RPL34: variants seen among roughly 807,000 people sequenced by gnomAD.
RPL34 encodes large ribosomal subunit protein eL34.
A neutral mutation model predicts 16.3 loss-of-function variants in RPL34; 2 were observed. That is an observed-to-expected ratio of 0.12 (90% CI 0.05 to 0.39). The LOEUF is 0.39. RPL34 is among the 10% of genes least tolerant of loss of function. RPL34 has a pLI of 0.99. For synonymous variants in RPL34, 47 were observed against 48.5 expected (o/e 0.97, Z 0.13); for missense variants, 82 against 148.8 (o/e 0.55, Z 2.33).
chr4:108,625,653 T>A (rs1449651111), downstream of RPL34: 1 of 156,638 alleles, frequency 6.4e-6, no homozygotes, highest in African/African-American at 2.4e-5. Flanking sequence ...CCCAAAGTGC[T>A]GGTGTTAAGG....
downstream of RPL34, among the ~76,000 whole-genome samples, chr4:108,627,514 A>G (rs936415749): frequency 1.3e-5 from 2 of 152,206 alleles, no homozygotes; most frequent in African/African-American, 2.4e-5. Context: ...AGTGTTTTGC[A>G]GAAGAGGAGT....
chr4:108,626,393 G>C (rs542948224), downstream of RPL34, among the ~76,000 whole-genome samples: 1 of 151,308 alleles, frequency 6.6e-6, no homozygotes, highest in African/African-American at 2.4e-5. Context: ...GCCTCCCAGC[G>C]TGCCAGGATT....
At chr4:108,624,795 A>T (rs577537469) in intron 4 of RPL34, among the ~76,000 whole-genome samples, 4 of 152,280 alleles carry the variant, frequency 2.6e-5, no homozygotes, top group Non-Finnish European at 5.9e-5. Flanking sequence ...AATATGGTTA[A>T]AATATTCTAA....
downstream of RPL34, among the ~76,000 whole-genome samples, chr4:108,625,780 T>C (rs1240093852): frequency 6.6e-6 from 1 of 152,164 alleles, no homozygotes; most frequent in East Asian, 1.9e-4. Context: ...ATAATGTCCT[T>C]CTCTTTGTGG....
Position 108,625,236 on chromosome 4 carries a change from T to A in RPL34, c.*24T>A. ...AAAAAAATGAAACTTTTTTGAGTAA[T>A]AAAAATGAAAAGACGCTGTATGTAT... On this transcript the variant is annotated 3_prime_UTR_variant, in exon 5 of 5. Coordinates refer to ENST00000394667, the MANE Select transcript of RPL34 (RefSeq NM_001319236.2). The A allele has an allele frequency of 6.8e-7, 1 of 1,465,142 alleles. No homozygotes were observed. 90.8% of individuals were successfully genotyped at this position (1,465,142 alleles called of 1,614,324 possible).
intron 1 of RPL34, chr4:108,621,296 TAACCGATTTGCTAAATAAC>T (rs1353306884): frequency 3.3e-5 from 5 of 153,198 alleles, no homozygotes; most frequent in Admixed American, 6.5e-5. Flanking sequence ...CATATCTGTA[TAACCGATTTGCTAAATAAC>T]ATCACGATGT....
intron 1 of RPL34, chr4:108,621,558 C>T (rs1560612092): frequency 4.2e-6 from 1 of 235,332 alleles, no homozygotes; most frequent in Non-Finnish European, 8.6e-6. Context: ...GCTCCTTGCC[C>T]TTTATATTCC....
chr4:108,623,975 G>T (rs1417540683), intron 4 of RPL34, among the ~76,000 whole-genome samples: 2 of 152,226 alleles, frequency 1.3e-5, no homozygotes, highest in African/African-American at 4.8e-5. Context: ...GGCAAGGAAA[G>T]TACGGACTGA....
chr4:108,624,840 G>C (rs1434781902), intron 4 of RPL34, among the ~76,000 whole-genome samples: 1 of 152,054 alleles, frequency 6.6e-6, no homozygotes, highest in African/African-American at 2.4e-5. Context: ...CACTATTCCT[G>C]GATCCTAACA....
downstream of RPL34, among the ~76,000 whole-genome samples, chr4:108,627,053 C>G (rs182155282): frequency 1.8e-3 from 274 of 152,114 alleles, 1 homozygote; most frequent in African/African-American, 6.5e-3. Context: ...TCCTGTCTAG[C>G]ACGGTGAAAC....
chr4:108,630,368 T>A (rs1250373789), downstream of RPL34: 1 of 152,030 alleles, frequency 6.6e-6, no homozygotes. Context: ...CTGTAAAGAG[T>A]TTAGGGTTTG....
downstream of RPL34, among the ~76,000 whole-genome samples, chr4:108,628,940 C>G (rs1252653457): frequency 6.6e-6 from 1 of 152,164 alleles, no homozygotes; most frequent in East Asian, 1.9e-4. Context: ...CTGCCTCAGC[C>G]TCCCGAGTAG....
rs371393335 is a variant in RPL34 at position 108,622,235 on chromosome 4, A to G, written c.165+31A>G. ...TGTACCTTTTACTGTGTGCAGCCTAACAAGTCTTGAACTTACTGAGCTTTC... is the reference window on the plus strand; with the variant it reads ...TGTACCTTTTACTGTGTGCAGCCTAGCAAGTCTTGAACTTACTGAGCTTTC... On this transcript the variant is annotated intron_variant, in intron 3 of 4. Coordinates refer to ENST00000394667, the MANE Select transcript of RPL34 (RefSeq NM_001319236.2). The G allele has an allele frequency of 4.7e-5, 69 of 1,455,580 alleles. No individual in the cohort carries two copies. The Middle Eastern group carries it at 1.0e-3, about 22-fold the overall frequency. 90.2% of individuals were successfully genotyped at this position (1,455,580 alleles called of 1,614,324 possible).
At chr4:108,622,346 G>A (rs188504163) in intron 3 of RPL34, 142 bp downstream of exon 3, 16 of 811,514 alleles carry the variant, frequency 2.0e-5, no homozygotes, top group Admixed American at 4.6e-5. Context: ...AATCTGCCAC[G>A]AACATAGACT....
At chr4:108,621,132 T>G (rs1725751092) in intron 1 of RPL34, 1 of 152,210 alleles carries the variant, frequency 6.6e-6, no homozygotes, top group African/African-American at 2.4e-5. Flanking sequence ...GTGTCAAGTT[T>G]TGGTGTCTGG....
At chr4:108,622,707 T>C in intron 4 of RPL34, 89 bp downstream of exon 4, 1 of 754,344 alleles carries the variant, frequency 1.3e-6, no homozygotes, top group Non-Finnish European at 2.2e-6. Flanking sequence ...AAGCAACTCA[T>C]TTTAAACCAG....
Position 108,622,211 on chromosome 4 carries a change from G to A in RPL34, c.165+7G>A, listed in dbSNP as rs1193533707. ...CCCAGGCAGACTTCGAGGGGTAAGTGTACCTTTTACTGTGTGCAGCCTAAC... is the reference window on the plus strand; with the variant it reads ...CCCAGGCAGACTTCGAGGGGTAAGTATACCTTTTACTGTGTGCAGCCTAAC... On this transcript the variant is annotated splice_region_variant and intron_variant, in intron 3 of 4. Coordinates refer to ENST00000394667, the MANE Select transcript of RPL34 (RefSeq NM_001319236.2). The A allele has an allele frequency of 1.9e-6, 3 of 1,589,374 alleles. No homozygotes were observed. The highest frequency in any genetic ancestry group is 2.6e-6 in the Non-Finnish European group (3 of 1,162,542).
At position 108,625,111 on chromosome 4, in the gene RPL34, G is replaced by T. The variant is rs1180190198; in HGVS notation, c.270-17G>T. The T allele has an allele frequency of 6.5e-7, 1 of 1,546,778 alleles. No individual in the cohort carries two copies. Among genetic ancestry groups the T allele is most frequent in the Non-Finnish European group, 8.9e-7 (1 of 1,124,040 alleles). ...TTCATTTTAAAGAAATGATTAATTT[G>T]GTATTTTCCTTTCTAGGATCAAGCG... On this transcript the variant is annotated splice_polypyrimidine_tract_variant and intron_variant, in intron 4 of 4. Transcript: ENST00000394667.
intron 4 of RPL34, among the ~76,000 whole-genome samples, chr4:108,624,427 G>A (rs780805888): frequency 6.6e-6 from 1 of 152,168 alleles, no homozygotes; most frequent in Admixed American, 6.5e-5. Context: ...TTTAAACTCT[G>A]GTGGTAACTC....
Sources: allele counts gnomAD v4.1 joint callset (sites outside exome capture counted in the v4.1 genomes callset), GRCh38; gene constraint gnomAD v4.1.1; transcripts MANE v1.5; gene names NCBI Gene and HGNC (gene_info 2026-07-23, HGNC 2026-07-21).